The following SUPT3H variants were observed in gnomAD, a reference collection of about 807,000 sequenced individuals.
SUPT3H encodes SPT3 homolog, SAGA and STAGA complex component, also known as transcription initiation protein SPT3 homolog.
Under a neutral mutation model 44.3 loss-of-function variants are expected in SUPT3H, and 44 were observed. The observed-to-expected ratio is 0.99, with a 90% confidence interval of 0.78 to 1.28. The LOEUF (loss-of-function observed/expected upper bound fraction) is 1.28, where lower values mean the gene tolerates loss of function less well. Ranked by LOEUF, SUPT3H falls within the 50% of genes most tolerant of loss-of-function variation. The probability of loss-of-function intolerance (pLI) is 0.00; values close to 1 mark genes in which losing one functional copy is unlikely to be tolerated. For missense variants in SUPT3H, 380 were observed against 387.1 expected, an observed-to-expected ratio of 0.98 and a Z score of 0.15; for synonymous variants, 124 against 125.6, an observed-to-expected ratio of 0.99 and a Z score of 0.09.
chr6:45,029,188 T>G (rs1393674080), intron 3 of SUPT3H, among the ~76,000 whole-genome samples: 1 of 151,804 alleles, frequency 6.6e-6, no homozygotes, highest in Non-Finnish European at 1.5e-5. Context: ...GCCTAACTTT[T>G]TAGAGTTTCA....
At chr6:45,145,008 A>C (rs1805811554) in intron 2 of SUPT3H, among the ~76,000 whole-genome samples, 1 of 152,164 alleles carries the variant, frequency 6.6e-6, no homozygotes, top group Non-Finnish European at 1.5e-5. Context: ...AACACTGCTG[A>C]AATAAATCAC....
chr6:45,184,775 GAAAAAAAAAA>G (rs55652227), intron 2 of SUPT3H, among the ~76,000 whole-genome samples: 28,123 of 127,974 alleles, frequency 0.22, 3,361 homozygotes, highest in Non-Finnish European at 0.3. Flanking sequence ...ACAGGCAGAG[GAAAAAAAAAA>G]AAAAAAAAAA....
At chr6:45,354,698 A>G (rs1039091163) in intron 2 of SUPT3H, among the ~76,000 whole-genome samples, 11 of 152,052 alleles carry the variant, frequency 7.2e-5, no homozygotes, top group African/African-American at 2.2e-4. Context: ...CACATTTAAA[A>G]AAAGAAAAAA....
At chr6:44,930,414 T>G (rs575711573) in intron 10 of SUPT3H, among the ~76,000 whole-genome samples, 1 of 150,208 alleles carries the variant, frequency 6.7e-6, no homozygotes, top group African/African-American at 2.4e-5. Flanking sequence ...ATTACAAAAA[T>G]TAGTTGGGCA....
intron 6 of SUPT3H, among the ~76,000 whole-genome samples, chr6:44,971,772 T>A (rs935236364): frequency 9.9e-5 from 15 of 152,164 alleles, no homozygotes; most frequent in Non-Finnish European, 2.2e-4. Context: ...AAGTCTTTTT[T>A]GCCTGTTTGT....
intron 9 of SUPT3H, among the ~76,000 whole-genome samples, chr6:44,938,266 G>GTTTCAT (rs1423637917): frequency 6.6e-6 from 1 of 151,982 alleles, no homozygotes; most frequent in East Asian, 1.9e-4. Context: ...ATAAGAGATA[G>GTTTCAT]GGGACCAGTT....
chr6:44,839,750 G>A (rs920136847), intron 10 of SUPT3H, among the ~76,000 whole-genome samples: 2 of 151,488 alleles, frequency 1.3e-5, no homozygotes, highest in African/African-American at 2.4e-5. Flanking sequence ...CGCCCAGGCT[G>A]GAGTGCAGTG....
chr6:44,996,065 A>C (rs2153501658), intron 6 of SUPT3H, among the ~76,000 whole-genome samples: 1 of 152,038 alleles, frequency 6.6e-6, no homozygotes, highest in Admixed American at 6.6e-5. Context: ...ATGAATGTGC[A>C]CATGAACAAA....
At chr6:45,370,272 T>G (rs1324819826) in intron 1 of SUPT3H, among the ~76,000 whole-genome samples, 1 of 152,160 alleles carries the variant, frequency 6.6e-6, no homozygotes, top group Non-Finnish European at 1.5e-5. Flanking sequence ...AGAACTGATT[T>G]GCTGATGGAT....
rs1053033290 is a variant in SUPT3H at position 44,954,625 on chromosome 6, A to C, written c.581-18T>G. The C allele has an allele frequency of 3.3e-6, 5 of 1,510,996 alleles. No homozygotes were observed. The highest frequency in any genetic ancestry group is 2.8e-6 in the Non-Finnish European group (3 of 1,089,410). The allele number at this position is 1,510,996 out of a possible 1,614,324, so 93.6% of individuals were successfully genotyped here. ...TTTTTTGGCTGGCCATTTAAAAAAAACAAGTGCAGAAATTTTAATTTTTAA... is the reference window on the plus strand; with the variant it reads ...TTTTTTGGCTGGCCATTTAAAAAAACCAAGTGCAGAAATTTTAATTTTTAA... On this transcript the variant is annotated intron_variant, in intron 7 of 10. Coordinates refer to ENST00000371459, the MANE Select transcript of SUPT3H (RefSeq NM_003599.4).
intron 2 of SUPT3H, among the ~76,000 whole-genome samples, chr6:45,184,108 G>A (rs1205959054): frequency 2.6e-5 from 4 of 152,144 alleles, no homozygotes; most frequent in Non-Finnish European, 5.9e-5. Context: ...ATAAGTGGGG[G>A]AAGGAGAGAG....
chr6:45,233,511 C>T (rs1768469255), intron 2 of SUPT3H, among the ~76,000 whole-genome samples: 1 of 152,182 alleles, frequency 6.6e-6, no homozygotes, highest in Non-Finnish European at 1.5e-5. Context: ...TCTCTGGTTC[C>T]AACCACAGTA....
chr6:44,887,038 T>C (rs907795438), intron 10 of SUPT3H, among the ~76,000 whole-genome samples: 5 of 151,962 alleles, frequency 3.3e-5, no homozygotes, highest in Non-Finnish European at 7.4e-5. Flanking sequence ...TACATAATGG[T>C]AAAGGGATCA....
intron 2 of SUPT3H, among the ~76,000 whole-genome samples, chr6:45,332,717 CAT>C (rs953353847): frequency 1.3e-5 from 2 of 151,694 alleles, no homozygotes; most frequent in African/African-American, 2.4e-5. Flanking sequence ...TATATAAAAA[CAT>C]GTGACCAAAT....
Position 44,827,269 on chromosome 6 carries a change from G to A in SUPT3H, c.*2547C>T, listed in dbSNP as rs1041183101. ...CACTGAAGATTTTACTATATAACAC[G>A]TATGCTTTAGGATGTATCCATAATT... On this transcript the variant is annotated 3_prime_UTR_variant, in exon 11 of 11. Coordinates refer to ENST00000371459, the MANE Select transcript of SUPT3H (RefSeq NM_003599.4). 1.3e-5 allele frequency among the ~76,000 whole-genome samples: 2 copies of A among 152,064 alleles called. No individual in the cohort carries two copies. Among genetic ancestry groups the A allele is most frequent in the South Asian group, 2.1e-4 (1 of 4,814 alleles).
intron 2 of SUPT3H, among the ~76,000 whole-genome samples, chr6:45,258,625 A>C (rs1773807933): frequency 6.6e-6 from 1 of 152,228 alleles, no homozygotes; most frequent in African/African-American, 2.4e-5. Context: ...GTCAGTCAGT[A>C]AAAGACTTCA....
rs60921436 is a variant in SUPT3H, at chr6:45,296,738, CAAAAAAAA to C, written c.101+68455_101+68462del. 4.0e-4 allele frequency among the ~76,000 whole-genome samples: 12 copies of C among 29,702 alleles called. No individual in the cohort carries two copies. The South Asian group carries it at 9.3e-3, about 23-fold the overall frequency. 19.5% of individuals were successfully genotyped at this position (29,702 alleles called of 152,430 possible). A position where few individuals can be genotyped will look rare whatever the true frequency, so the allele number is the denominator to read the frequency against. On this transcript the variant is annotated intron_variant, in intron 2 of 10. Coordinates refer to ENST00000371459, the MANE Select transcript of SUPT3H (RefSeq NM_003599.4). The stretch of plus-strand genomic sequence containing the variant: ...TGGCCAACAGAGTAAGACTCTGTCT[CAAAAAAAA>C]AAAAAAAAAAAAAAAAAATTACAAA...
chr6:45,156,546 A>T (rs949072959), intron 2 of SUPT3H, among the ~76,000 whole-genome samples: 1 of 151,336 alleles, frequency 6.6e-6, no homozygotes, highest in African/African-American at 2.4e-5. Context: ...AATAATATAT[A>T]TTTTCTGTTC....
intron 2 of SUPT3H, among the ~76,000 whole-genome samples, chr6:45,113,827 C>CAA (rs374606230): frequency 0.1 from 11,489 of 112,522 alleles, 1,635 homozygotes; most frequent in African/African-American, 0.31. Context: ...AAGACTCCAT[C>CAA]AAAAAAAAAA....
Sources: gnomAD v4.1 joint callset for allele counts (sites outside exome capture counted in the v4.1 genomes callset) on GRCh38, gnomAD v4.1.1 for gene constraint, MANE v1.5 for transcripts, NCBI Gene and HGNC (gene_info 2026-07-23, HGNC 2026-07-21) for gene names.